Variants in MYO1D observed in about 807,000 individuals in gnomAD.
MYO1D encodes the protein myosin ID.
A neutral mutation model predicts 122.0 loss-of-function variants in MYO1D; 83 were observed. The ratio of observed to expected loss-of-function variants is 0.68; its 90% confidence interval spans 0.57 to 0.82. The LOEUF is 0.82. Among genes scored for constraint, MYO1D ranks in the 40% least tolerant of loss-of-function variants. The pLI is 0.00. For synonymous variants in MYO1D, 464 were observed against 446.9 expected (o/e 1.04, Z -0.48); for missense variants, 1,157 against 1,269.5 (o/e 0.91, Z 1.35).
intron 11 of MYO1D, among the ~76,000 whole-genome samples, chr17:32,750,437 C>A (rs1259208179): frequency 3.3e-5 from 5 of 151,904 alleles, no homozygotes; most frequent in Non-Finnish European, 7.4e-5. Flanking sequence ...CACAGTGAAA[C>A]CCTGTCTCTA....
At chr17:32,793,509 T>C (rs143280440) in intron 1 of MYO1D, among the ~76,000 whole-genome samples, 2 of 152,328 alleles carry the variant, frequency 1.3e-5, no homozygotes, top group African/African-American at 4.8e-5. Flanking sequence ...GCTTGACATT[T>C]GAATTATTTA....
intron 19 of MYO1D, among the ~76,000 whole-genome samples, chr17:32,639,484 T>C (rs2088161245): frequency 6.6e-6 from 1 of 150,692 alleles, no homozygotes; most frequent in Admixed American, 6.6e-5. Context: ...AAGAGCAGAA[T>C]TAACCACAGG....
chr17:32,501,251 C>T (rs144887649), intron 21 of MYO1D, among the ~76,000 whole-genome samples: 6 of 152,274 alleles, frequency 3.9e-5, no homozygotes, highest in African/African-American at 1.2e-4. Context: ...GTTCCTAGCT[C>T]GTATCTCCCA....
chr17:32,700,954 A>AAG (rs1250909045), intron 16 of MYO1D, among the ~76,000 whole-genome samples: 4 of 151,478 alleles, frequency 2.6e-5, no homozygotes, highest in Non-Finnish European at 4.4e-5. Flanking sequence ...AAAAAAAAAA[A>AAG]AAAAAGAAAA....
intron 14 of MYO1D, among the ~76,000 whole-genome samples, chr17:32,735,271 C>A (rs1390207104): frequency 6.6e-6 from 1 of 152,168 alleles, no homozygotes; most frequent in Admixed American, 6.5e-5. Flanking sequence ...TCACTGCTAT[C>A]TCCACCTCCT....
rs191930773 is a variant in MYO1D, at chr17:32,792,059, T to G, written c.96-11275A>C. On this transcript the variant is annotated intron_variant, in intron 1 of 21. Coordinates refer to ENST00000318217, the MANE Select transcript of MYO1D (RefSeq NM_015194.3). ...TTTTTATGGCTTCATAGTATTCCAT[T>G]TCATGGGTGATTATACAATAATATA... Among the ~76,000 whole-genome samples the G allele has an allele frequency of 2.3e-3, 344 of 152,332 alleles. 1 individual carries two copies. The highest frequency in any genetic ancestry group is 8.0e-3 in the African/African-American group (334 of 41,566).
chr17:32,605,781 T>C (rs915809655), intron 20 of MYO1D, among the ~76,000 whole-genome samples: 2 of 152,070 alleles, frequency 1.3e-5, no homozygotes, highest in Non-Finnish European at 2.9e-5. Context: ...AACAACTTAG[T>C]TAAAACCAAA....
chr17:32,563,947 G>T (rs2087149634), intron 21 of MYO1D, among the ~76,000 whole-genome samples: 1 of 152,242 alleles, frequency 6.6e-6, no homozygotes, highest in African/African-American at 2.4e-5. Flanking sequence ...GCTAAAGGCT[G>T]CAAGGGAATA....
chr17:32,687,640 G>A (rs1362008661), intron 16 of MYO1D, among the ~76,000 whole-genome samples: 1 of 152,172 alleles, frequency 6.6e-6, no homozygotes, highest in Non-Finnish European at 1.5e-5. Flanking sequence ...ACTGTGCCTG[G>A]CCCAGTTGGG....
At chr17:32,535,033 G>A (rs1215493385) in intron 21 of MYO1D, among the ~76,000 whole-genome samples, 1 of 152,054 alleles carries the variant, frequency 6.6e-6, no homozygotes, top group Non-Finnish European at 1.5e-5. Context: ...TATATCTAGT[G>A]GCCAGTTGTG....
intron 16 of MYO1D, among the ~76,000 whole-genome samples, chr17:32,677,298 C>T (rs759386528): frequency 1.3e-5 from 2 of 152,032 alleles, no homozygotes; most frequent in Admixed American, 6.6e-5. Flanking sequence ...ATTTTATAAT[C>T]ACTCCATGAA....
chr17:32,692,184 A>G (rs968971805), intron 16 of MYO1D, among the ~76,000 whole-genome samples: 2 of 152,196 alleles, frequency 1.3e-5, no homozygotes, highest in African/African-American at 2.4e-5. Flanking sequence ...ATATTTCATA[A>G]ACTTTCTGTT....
chr17:32,654,485 G>A lies in MYO1D; in HGVS notation c.2482C>T (p.Leu828Phe). The A allele has an allele frequency of 6.2e-7, 1 of 1,612,084 alleles. No individual in the cohort carries two copies. Among genetic ancestry groups the A allele is most frequent in the Non-Finnish European group, 8.5e-7 (1 of 1,179,182 alleles). The change falls in exon 18 of 22, where the codon CTT becomes TTT. Residue 828 changes from leucine to phenylalanine, a missense_variant. Physicochemically the swap from Leu to Phe is conservative, Grantham distance 22 (BLOSUM62 0). Coordinates refer to ENST00000318217, the MANE Select transcript of MYO1D (RefSeq NM_015194.3). ...GLQRAWEGNY[L>F]ASKPDTPQTS... ...TGTTCCCTTGGACTTACTGAAGCAA[G>A]ATAGTTGCCCTCCCAGGCCCTCTGG... is the stretch of plus-strand genomic sequence containing the variant.
intron 21 of MYO1D, among the ~76,000 whole-genome samples, chr17:32,573,979 C>CCA: frequency 6.6e-6 from 1 of 152,184 alleles, no homozygotes; most frequent in South Asian, 2.1e-4. Flanking sequence ...CAGCCTCCTG[C>CCA]GTAGCTGGGA....
At chr17:32,594,478 C>T in intron 21 of MYO1D, 1 of 493,464 alleles carries the variant, frequency 2.0e-6, no homozygotes, top group East Asian at 3.2e-5. Flanking sequence ...CCAGCATCCT[C>T]TTCATCTCAG....
At position 32,549,689 on chromosome 17, in the gene MYO1D, A is replaced by G. The variant is rs539923194; in HGVS notation, c.2865-54774T>C. Among the ~76,000 whole-genome samples, 3 of 152,222 alleles carry G rather than the reference A, an allele frequency of 2.0e-5. No individual in the cohort carries two copies. The South Asian group carries it at 6.2e-4, about 32-fold the overall frequency. On this transcript the variant is annotated intron_variant, in intron 21 of 21. Coordinates refer to ENST00000318217, the MANE Select transcript of MYO1D (RefSeq NM_015194.3). ...TTCAGTCTGGGAACTACTTGGTGGC[A>G]AGGTGTGTGGTCTATGCAAATACCA...
intron 15 of MYO1D, among the ~76,000 whole-genome samples, chr17:32,716,962 C>T (rs1440399212): frequency 6.6e-6 from 1 of 152,210 alleles, no homozygotes; most frequent in Non-Finnish European, 1.5e-5. Context: ...TCTCTCTTTT[C>T]TCAGTAAAAT....
intron 21 of MYO1D, among the ~76,000 whole-genome samples, chr17:32,585,571 A>T (rs531662197): frequency 6.6e-6 from 1 of 152,186 alleles, no homozygotes; most frequent in African/African-American, 2.4e-5. Flanking sequence ...CTCTCCTAAA[A>T]ATACAAAAAT....
chr17:32,746,615 C>T (rs1252269550), intron 12 of MYO1D, among the ~76,000 whole-genome samples: 2 of 152,050 alleles, frequency 1.3e-5, no homozygotes, highest in African/African-American at 4.8e-5. Flanking sequence ...TACAACCATA[C>T]ATATATGTAT....
Sources: allele counts gnomAD v4.1 joint callset (sites outside exome capture counted in the v4.1 genomes callset), GRCh38; gene constraint gnomAD v4.1.1; transcripts MANE v1.5; gene names NCBI Gene and HGNC (gene_info 2026-07-23, HGNC 2026-07-21).